LYZL4: variants seen among roughly 807,000 people sequenced by gnomAD.
LYZL4 encodes lysozyme-like protein 4.
A neutral mutation model predicts 17.6 loss-of-function variants in LYZL4; 13 were observed. The ratio of observed to expected loss-of-function variants is 0.74; its 90% CI spans 0.48 to 1.18. The LOEUF (loss-of-function observed/expected upper bound fraction) is 1.18. LYZL4 is among the 50% of genes most tolerant of loss of function. LYZL4 has a pLI of 0.00. For synonymous variants in LYZL4, 64 were observed against 67.7 expected, an observed-to-expected ratio of 0.95 and a Z score of 0.27; for missense variants, 174 against 188.2, an observed-to-expected ratio of 0.92 and a Z score of 0.44.
the LYZL4 span, among the ~76,000 whole-genome samples, chr3:42,372,327 A>G: frequency 6.6e-6 from 1 of 152,152 alleles, no homozygotes; most frequent in African/African-American, 2.4e-5. Flanking sequence ...TGCCTCAAAG[A>G]GTTGATGTGA....
chr3:42,365,785 A>G, the LYZL4 span, among the ~76,000 whole-genome samples: 4 of 152,354 alleles, frequency 2.6e-5, no homozygotes, highest in African/African-American at 9.6e-5. Flanking sequence ...AAGTTACAAC[A>G]GTAACAGTTA....
chr3:42,385,910 A>G, the LYZL4 span, among the ~76,000 whole-genome samples: 2 of 152,188 alleles, frequency 1.3e-5, no homozygotes, highest in East Asian at 3.8e-4. Context: ...GTGACTCGAA[A>G]AAACACAATT....
chr3:42,362,106 C>T, the LYZL4 span, among the ~76,000 whole-genome samples: 1 of 152,040 alleles, frequency 6.6e-6, no homozygotes, highest in Non-Finnish European at 1.5e-5. Context: ...TATTATAAAA[C>T]ACTGAATAAA....
In LYZL4 at chr3:42,397,199, G is replaced by T; in HGVS notation, c.*66C>A. 1 of 1,094,452 alleles carries T rather than the reference G, an allele frequency of 9.1e-7. No individual in the cohort carries two copies. Among genetic ancestry groups the T allele is most frequent in the Non-Finnish European group, 1.3e-6 (1 of 740,770 alleles). 67.8% of individuals were successfully genotyped at this position (1,094,452 alleles called of 1,614,324 possible). A position where few individuals can be genotyped will look rare whatever the true frequency, so the allele number is the denominator to read the frequency against. On this transcript the variant is annotated 3_prime_UTR_variant, in exon 5 of 5. Coordinates refer to ENST00000287748, the MANE Select transcript of LYZL4 (RefSeq NM_144634.4). ...ATCATCAAAAGGATTGACTGAAGCA[G>T]CAAGCAGAAAAGCACCTTCATTCAC...
the LYZL4 span, among the ~76,000 whole-genome samples, chr3:42,389,961 G>A: frequency 6.6e-6 from 1 of 152,196 alleles, no homozygotes. Flanking sequence ...GCACCAACTA[G>A]ATGAAGAGTG....
At chr3:42,390,431 C>T in the LYZL4 span, among the ~76,000 whole-genome samples, 1 of 152,166 alleles carries the variant, frequency 6.6e-6, no homozygotes, top group Non-Finnish European at 1.5e-5. Context: ...GACTGGCCTG[C>T]CCAACCTACC....
chr3:42,404,664 G>A (rs1255547700), intron 3 of LYZL4, among the ~76,000 whole-genome samples: 6 of 152,116 alleles, frequency 3.9e-5, no homozygotes, highest in African/African-American at 1.4e-4. Context: ...GATATAGATA[G>A]ATAGATGATA....
the LYZL4 span, among the ~76,000 whole-genome samples, chr3:42,374,522 C>T: frequency 6.6e-6 from 1 of 152,162 alleles, no homozygotes; most frequent in South Asian, 2.1e-4. Flanking sequence ...CTGTCGAGGC[C>T]ACCGATATCC....
chr3:42,372,353 T>C, the LYZL4 span, among the ~76,000 whole-genome samples: 6,710 of 152,272 alleles, frequency 0.044, 228 homozygotes, highest in Middle Eastern at 0.1. Context: ...ATACTGTGTC[T>C]GACATATAGT....
At chr3:42,381,715 C>G in the LYZL4 span, among the ~76,000 whole-genome samples, 1 of 152,216 alleles carries the variant, frequency 6.6e-6, no homozygotes, top group African/African-American at 2.4e-5. Context: ...GGCTTCTTTG[C>G]TAGGCCCCGT....
At chr3:42,395,479 A>G (rs1698537817), downstream of LYZL4, among the ~76,000 whole-genome samples, 1 of 152,180 alleles carries the variant, frequency 6.6e-6, no homozygotes, top group African/African-American at 2.4e-5. Flanking sequence ...GTAGTAGTCC[A>G]TGTCTGTAAG....
At chr3:42,400,917 A>C (rs1297118833) in intron 4 of LYZL4, among the ~76,000 whole-genome samples, 1 of 152,190 alleles carries the variant, frequency 6.6e-6, no homozygotes. Context: ...CATGCACTCC[A>C]TTGGTTCAGC....
chr3:42,376,769 C>T, the LYZL4 span, among the ~76,000 whole-genome samples: 1 of 152,288 alleles, frequency 6.6e-6, no homozygotes, highest in African/African-American at 2.4e-5. Context: ...AGGTAGGGAG[C>T]CATACTGCTG....
the LYZL4 span, among the ~76,000 whole-genome samples, chr3:42,386,802 C>A: frequency 6.6e-6 from 1 of 152,020 alleles, no homozygotes; most frequent in African/African-American, 2.4e-5. Flanking sequence ...TTAAAATATT[C>A]ACAGATAAAA....
At chr3:42,406,402 C>T (rs1055039011) in intron 3 of LYZL4, among the ~76,000 whole-genome samples, 4 of 138,838 alleles carry the variant, frequency 2.9e-5, no homozygotes, top group Non-Finnish European at 6.0e-5. Context: ...TGCCGTGAGC[C>T]GAGATCGCGC....
At chr3:42,399,857 T>TA (rs1698623837) in intron 4 of LYZL4, among the ~76,000 whole-genome samples, 1 of 151,860 alleles carries the variant, frequency 6.6e-6, no homozygotes, top group Admixed American at 6.6e-5. Flanking sequence ...AGGCTGGAGA[T>TA]ATAGAAGCAG....
chr3:42,373,986 T>A, the LYZL4 span, among the ~76,000 whole-genome samples: 1 of 152,216 alleles, frequency 6.6e-6, no homozygotes, highest in Non-Finnish European at 1.5e-5. Flanking sequence ...AAATGCCTCA[T>A]CATCCTCATG....
At chr3:42,375,379 C>T in the LYZL4 span, among the ~76,000 whole-genome samples, 1 of 152,212 alleles carries the variant, frequency 6.6e-6, no homozygotes, top group Non-Finnish European at 1.5e-5. Context: ...GTTACTTTAC[C>T]TAAAGACAGT....
At position 42,397,216 on chromosome 3, in the gene LYZL4, T is replaced by G; in HGVS notation, c.*49A>C. 2.3e-6 allele frequency: 3 copies of G among 1,314,106 alleles called. No individual in the cohort carries two copies. The highest frequency in any genetic ancestry group is 3.2e-6 in the Non-Finnish European group (3 of 935,730). The allele number at this position is 1,314,106 out of a possible 1,614,324, so 81.4% of individuals were successfully genotyped here. A position where few individuals can be genotyped will look rare whatever the true frequency, so the allele number is the denominator to read the frequency against. ...CTGAAGCAGCAAGCAGAAAAGCACCTTCATTCACAAGATGCAACTGGTGAG... is the reference window on the plus strand; with the variant it reads ...CTGAAGCAGCAAGCAGAAAAGCACCGTCATTCACAAGATGCAACTGGTGAG... On this transcript the variant is annotated 3_prime_UTR_variant, in exon 5 of 5. Coordinates refer to ENST00000287748, the MANE Select transcript of LYZL4 (RefSeq NM_144634.4).
Sources: gnomAD v4.1 joint callset for allele counts (sites outside exome capture counted in the v4.1 genomes callset) on GRCh38, gnomAD v4.1.1 for gene constraint, MANE v1.5 for transcripts, NCBI Gene and HGNC (gene_info 2026-07-23, HGNC 2026-07-21) for gene names.